Variants in SHLD1 observed in about 807,000 individuals in gnomAD.
The protein encoded by SHLD1 is RINN1-REV7-interacting novel NHEJ regulator 3.
A neutral mutation model predicts 5.5 loss-of-function variants in SHLD1; 3 were observed. That is an observed-to-expected ratio of 0.54 (90% confidence interval 0.25 to 1.40). The LOEUF (loss-of-function observed/expected upper bound fraction) is 1.40. Among genes scored for constraint, SHLD1 ranks in the 40% most tolerant of loss-of-function variants. The probability of loss-of-function intolerance (pLI) is 0.15; values close to 1 mark genes in which losing one functional copy is unlikely to be tolerated. For missense variants in SHLD1, 210 were observed against 244.4 expected, an observed-to-expected ratio of 0.86 and a Z score of 0.94; for synonymous variants, 92 against 94.3, an observed-to-expected ratio of 0.98 and a Z score of 0.14.
chr20:5,798,363 C>T lies in SHLD1; in HGVS notation c.178+25320C>T, dbSNP rs6053711. ...TGTCACCCAGGCTAGAGTGCAGTGG[C>T]GTGATCTCGGCTCACTGCCAGCTCC... On this transcript the variant is annotated intron_variant, in intron 2 of 2. Coordinates refer to ENST00000303142, the MANE Select transcript of SHLD1 (RefSeq NM_152504.4). Among the ~76,000 whole-genome samples the T allele has an allele frequency of 5.1e-3, 780 of 151,786 alleles. 7 individuals carry two copies. Among genetic ancestry groups the T allele is most frequent in the African/African-American group, 0.018 (746 of 41,348 alleles).
chr20:5,758,933 T>C (rs549491390), intron 1 of SHLD1, among the ~76,000 whole-genome samples: 1,707 of 150,200 alleles, frequency 0.011, 33 homozygotes, highest in African/African-American at 0.039. Flanking sequence ...TTTTTTTTTT[T>C]CTCATCTTTC....
intron 2 of SHLD1, among the ~76,000 whole-genome samples, chr20:5,797,535 T>C (rs1285749140): frequency 1.3e-5 from 2 of 151,018 alleles, no homozygotes; most frequent in Non-Finnish European, 2.9e-5. Context: ...TGCACTCCAG[T>C]CTGAGTGACA....
intron 2 of SHLD1, among the ~76,000 whole-genome samples, chr20:5,797,503 A>C (rs1251710746): frequency 6.6e-6 from 1 of 152,118 alleles, no homozygotes; most frequent in Non-Finnish European, 1.5e-5. Context: ...TCAAGGCTGC[A>C]AGTGAGCTAT....
intron 2 of SHLD1, among the ~76,000 whole-genome samples, chr20:5,850,483 T>C (rs954564848): frequency 6.6e-6 from 1 of 151,564 alleles, no homozygotes; most frequent in Admixed American, 6.6e-5. Context: ...ATGACTTGCC[T>C]TCCCAGTTCC....
chr20:5,806,518 T>C lies in SHLD1; in HGVS notation c.178+33475T>C, dbSNP rs1374757518. ...TCTCCTACCAGTCAGGCATGCAGTT[T>C]TGATAAACTACCTCCCAAGTTCTGA... On this transcript the variant is annotated intron_variant, in intron 2 of 2. Transcript: ENST00000303142. This position sits in a 1 kb window ranked among gnomAD's most constrained non-coding sequence, Gnocchi z 7.6. 6.6e-6 allele frequency among the ~76,000 whole-genome samples: 1 copy of C among 152,240 alleles called. No homozygotes were observed. The highest frequency in any genetic ancestry group is 2.4e-5 in the African/African-American group (1 of 41,460).
chr20:5,800,455 A>G (rs2122336012), intron 2 of SHLD1, among the ~76,000 whole-genome samples: 1 of 152,308 alleles, frequency 6.6e-6, no homozygotes, highest in Middle Eastern at 3.4e-3. Flanking sequence ...GCACTTTGGG[A>G]GGCCAAGGTG....
At chr20:5,831,041 C>A (rs2087723607) in intron 2 of SHLD1, among the ~76,000 whole-genome samples, 1 of 151,904 alleles carries the variant, frequency 6.6e-6, no homozygotes, top group Non-Finnish European at 1.5e-5. Context: ...TAAGGCATTG[C>A]AATAATTTAA....
At chr20:5,812,944 G>C (rs950750977) in intron 2 of SHLD1, among the ~76,000 whole-genome samples, 1 of 151,878 alleles carries the variant, frequency 6.6e-6, no homozygotes. Flanking sequence ...ATATAATCGT[G>C]GCTTACCACA....
chr20:5,791,640 A>T (rs2087143099), intron 2 of SHLD1, among the ~76,000 whole-genome samples: 1 of 151,506 alleles, frequency 6.6e-6, no homozygotes, highest in Non-Finnish European at 1.5e-5. Flanking sequence ...GATAAATTGG[A>T]CCTCATAAAA....
In SHLD1 at chr20:5,863,577, A is replaced by C; in HGVS notation, c.*114A>C. On this transcript the variant is annotated 3_prime_UTR_variant, in exon 3 of 3. Coordinates refer to ENST00000303142, the MANE Select transcript of SHLD1 (RefSeq NM_152504.4). Reference sequence around the variant, plus strand: ...GGCCAGCTCTGTGTGCCCAATCCCAATTAAGTGCTTTGAGGTTAAAGGCTG... The same window carrying C: ...GGCCAGCTCTGTGTGCCCAATCCCACTTAAGTGCTTTGAGGTTAAAGGCTG... 9.3e-7 allele frequency: 1 copy of C among 1,074,544 alleles called. No individual in the cohort carries two copies. Among genetic ancestry groups the C allele is most frequent in the Non-Finnish European group, 1.3e-6 (1 of 746,608 alleles). The allele number at this position is 1,074,544 out of a possible 1,614,324, so 66.6% of individuals were successfully genotyped here. A position where few individuals can be genotyped will look rare whatever the true frequency, so the allele number is the denominator to read the frequency against.
intron 2 of SHLD1, among the ~76,000 whole-genome samples, chr20:5,841,386 A>C (rs976089824): frequency 6.6e-6 from 1 of 152,198 alleles, no homozygotes; most frequent in Non-Finnish European, 1.5e-5. Flanking sequence ...TATTGTGTGC[A>C]TGGGTGTTTT....
At chr20:5,752,773 A>G (rs6116936) in intron 1 of SHLD1, among the ~76,000 whole-genome samples, 45,921 of 151,488 alleles carry the variant, frequency 0.3, 7,476 homozygotes, top group African/African-American at 0.41. Context: ...GCACCACCAC[A>G]CCTGACTAAT....
At chr20:5,859,306 G>T (rs928908272) in intron 2 of SHLD1, among the ~76,000 whole-genome samples, 4 of 152,130 alleles carry the variant, frequency 2.6e-5, no homozygotes, top group African/African-American at 9.7e-5. Flanking sequence ...GACATTATTG[G>T]TATTTGGGAG....
intron 1 of SHLD1, among the ~76,000 whole-genome samples, chr20:5,756,229 T>C (rs908228735): frequency 3.3e-5 from 5 of 152,026 alleles, no homozygotes; most frequent in East Asian, 3.9e-4. Flanking sequence ...GGTGGGAGGA[T>C]TGCTTGGGCC....
In SHLD1 at chr20:5,863,247, C is replaced by A. The variant is rs1285380611; in HGVS notation, c.402C>A (p.Gly134=). The change falls in exon 3 of 3, where the codon GGC becomes GGA. Residue 134 remains glycine (G), a synonymous_variant. Transcript: ENST00000303142. ...CLSQKITQLR[G]QESQKYALRS... ...CTCAGAAAATCACTCAACTAAGAGGCCAGGAGAGCCAAAAGTATGCCCTCC... is the reference window on the plus strand; with the variant it reads ...CTCAGAAAATCACTCAACTAAGAGGACAGGAGAGCCAAAAGTATGCCCTCC... The A allele has an allele frequency of 6.2e-7, 1 of 1,614,062 alleles. No individual in the cohort carries two copies. Among genetic ancestry groups the A allele is most frequent in the Admixed American group, 1.7e-5 (1 of 60,000 alleles).
intron 2 of SHLD1, among the ~76,000 whole-genome samples, chr20:5,841,137 C>T (rs540727907): frequency 6.6e-6 from 1 of 151,646 alleles, no homozygotes; most frequent in African/African-American, 2.4e-5. Context: ...AACTTAATTT[C>T]TATGCCACAT....
At chr20:5,853,185 G>A (rs2088034010) in intron 2 of SHLD1, among the ~76,000 whole-genome samples, 1 of 152,176 alleles carries the variant, frequency 6.6e-6, no homozygotes, top group Non-Finnish European at 1.5e-5. Flanking sequence ...CCTTGAGTGG[G>A]AGAAGATAGA....
intron 2 of SHLD1, among the ~76,000 whole-genome samples, chr20:5,815,195 CATCGGCA>C (rs1005021050): frequency 1.5e-3 from 222 of 152,276 alleles, no homozygotes; most frequent in African/African-American, 5.2e-3. Context: ...CTTGTCTGCA[CATCGGCA>C]TCAACTGCAA....
In SHLD1 at chr20:5,770,037, A is replaced by G. The variant is rs141802480; in HGVS notation, c.-4-2825A>G. On this transcript the variant is annotated intron_variant, in intron 1 of 2. Coordinates refer to ENST00000303142, the MANE Select transcript of SHLD1 (RefSeq NM_152504.4). ...AAAAAAAAAAAAAAAGGAATTACCT[A>G]TGTGATGAGATGAAGAGAGGTGAAT... 7.5e-4 allele frequency among the ~76,000 whole-genome samples: 113 copies of G among 149,852 alleles called. 1 individual carries two copies. Among genetic ancestry groups the G allele is most frequent in the Non-Finnish European group, 1.2e-3 (83 of 67,638 alleles).
Sources: gnomAD v4.1 joint callset for allele counts (sites outside exome capture counted in the v4.1 genomes callset) on GRCh38, gnomAD v4.1.1 for gene constraint, Gnocchi (gnomAD v3.1) non-coding constraint, MANE v1.5 for transcripts, NCBI Gene and HGNC (gene_info 2026-07-23, HGNC 2026-07-21) for gene names.